RBM26: variants seen among roughly 807,000 people sequenced by gnomAD.
RBM26 encodes RNA binding motif protein 26.
RBM26 carries 30 observed loss-of-function variants against 123.6 expected under a neutral mutation model. The ratio of observed to expected loss-of-function variants is 0.24; its 90% CI spans 0.18 to 0.33. The LOEUF (loss-of-function observed/expected upper bound fraction) is 0.33, where lower values mean the gene tolerates loss of function less well. Among genes scored for constraint, RBM26 ranks in the 10% least tolerant of loss-of-function variants. The pLI is 1.00. For missense variants in RBM26, 947 were observed against 1,203.6 expected (o/e 0.79, Z 3.15); for synonymous variants, 400 against 404.4 (o/e 0.99, Z 0.13).
intron 3 of RBM26, among the ~76,000 whole-genome samples, chr13:79,373,579 TTA>T (rs1160832843): frequency 1.2e-4 from 13 of 111,196 alleles, no homozygotes; most frequent in African/African-American, 3.6e-4. Context: ...TATAATATAT[TTA>T]TATATTACTA....
At chr13:79,381,093 G>A (rs528392153) in intron 1 of RBM26, among the ~76,000 whole-genome samples, 1 of 152,142 alleles carries the variant, frequency 6.6e-6, no homozygotes, top group Non-Finnish European at 1.5e-5. Context: ...TCAACACCTA[G>A]TTTGTGCCAT....
In RBM26 at chr13:79,401,449, T is replaced by C. The variant is rs539613754; in HGVS notation, c.71+4255A>G. 2.0e-5 allele frequency among the ~76,000 whole-genome samples: 3 copies of C among 152,286 alleles called. No individual in the cohort carries two copies. The East Asian group carries it at 5.8e-4, about 29-fold the overall frequency. On this transcript the variant is annotated intron_variant, in intron 1 of 21. Transcript: ENST00000438737. ...TAGAGTCAAAAAGCCTTAGTTTAAATCACTGTGGGCAAATAACTTCATGCT... is the reference window on the plus strand; with the variant it reads ...TAGAGTCAAAAAGCCTTAGTTTAAACCACTGTGGGCAAATAACTTCATGCT...
intron 20 of RBM26, among the ~76,000 whole-genome samples, chr13:79,327,441 A>G (rs889866554): frequency 7.2e-5 from 11 of 152,160 alleles, no homozygotes; most frequent in Non-Finnish European, 2.9e-5. Flanking sequence ...GTCAGTCACT[A>G]TTATTATCGA....
At chr13:79,365,910 G>A in intron 8 of RBM26, 145 bp downstream of exon 8, 2 of 954,344 alleles carry the variant, frequency 2.1e-6, no homozygotes, top group Non-Finnish European at 3.1e-6. Context: ...ATTCAAAACT[G>A]AGGGCTTATT....
intron 1 of RBM26, among the ~76,000 whole-genome samples, chr13:79,390,637 G>A (rs903884544): frequency 2.0e-5 from 3 of 152,172 alleles, no homozygotes; most frequent in African/African-American, 7.2e-5. Context: ...TGGTATGCAT[G>A]CTTTAGGGGT....
chr13:79,337,199 C>A lies in RBM26; in HGVS notation c.2636G>T (p.Gly879Val), dbSNP rs1165528892. 1.9e-6 allele frequency: 3 copies of A among 1,613,928 alleles called. No individual in the cohort carries two copies. In the African/African-American group the frequency reaches 4.0e-5, roughly 22 times the overall value. ...GRGRGRGRGR[G>V]VPGHAVVDHR... ...ATCCACCACAGCATGACCAGGCACA[C>A]CTCGCCCTCGCCCTCGCCCCCTGCC... Residue 879 changes from glycine to valine, a missense_variant, in exon 19 of 22, where the codon GGT becomes GTT. Transcript: ENST00000438737.
intron 1 of RBM26, among the ~76,000 whole-genome samples, chr13:79,380,120 C>T (rs1288750208): frequency 9.2e-5 from 14 of 152,122 alleles, no homozygotes; most frequent in Admixed American, 9.2e-4. Flanking sequence ...TACACATATA[C>T]TCACGTGTTC....
chr13:79,351,034 T>C (rs962510106), intron 14 of RBM26, among the ~76,000 whole-genome samples: 1 of 152,212 alleles, frequency 6.6e-6, no homozygotes, highest in African/African-American at 2.4e-5. Flanking sequence ...CCCATAAAAA[T>C]TCAGTTAGTA....
rs140544727 is a variant in RBM26 at position 79,379,918 on chromosome 13, A to C, written c.72-1011T>G. Among the ~76,000 whole-genome samples, 92 of 152,314 alleles carry C rather than the reference A, an allele frequency of 6.0e-4. 1 individual carries two copies. Among genetic ancestry groups the C allele is most frequent in the African/African-American group, 2.2e-3 (90 of 41,574 alleles). ...TCAACCTCACCCATAAGAGAAATAC[A>C]AATTTAAGTTACACTGAAATATTTT... On this transcript the variant is annotated intron_variant, in intron 1 of 21. Transcript: ENST00000438737.
At chr13:79,373,368 TAATA>T (rs2076219243) in intron 3 of RBM26, among the ~76,000 whole-genome samples, 1 of 97,282 alleles carries the variant, frequency 1.0e-5, no homozygotes, top group African/African-American at 4.2e-5. Flanking sequence ...TATAAATATA[TAATA>T]TATATTATAT....
chr13:79,344,676 T>G lies in RBM26; in HGVS notation c.2177A>C (p.Lys726Thr). ...TATACCAGTTGTACTTACCTGTTTT[T>G]TTTTCTGTGCTTCATTATTATCAAC... Reference protein sequence around the residue: ...SAVDNNEAQKKKQEALKLQQD... With the variant: ...SAVDNNEAQKTKQEALKLQQD... The change falls in exon 15 of 22, where the codon AAA (lysine) becomes ACA (threonine). Residue 726 changes from lysine (K) to threonine (T), a missense_variant. By Grantham distance (78) the Lys-to-Thr change is moderately conservative. Around this residue, in one of 5 missense-constraint regions of RBM26, gnomAD observed 493 missense variants for 563.1 expected, o/e 0.88. Transcript: ENST00000438737. 1 of 1,611,124 alleles carries G rather than the reference T, an allele frequency of 6.2e-7. No homozygotes were observed. Among genetic ancestry groups the G allele is most frequent in the Non-Finnish European group, 8.5e-7 (1 of 1,178,886 alleles).
chr13:79,340,519 T>C (rs1283097395), intron 18 of RBM26, among the ~76,000 whole-genome samples: 4 of 152,066 alleles, frequency 2.6e-5, no homozygotes, highest in Admixed American at 2.0e-4. Context: ...TTAATGTCTA[T>C]TTCAAAATAC....
At chr13:79,367,010 A>ATCAGGTAGCTCTTG in intron 6 of RBM26, 138 bp from the exon 7 acceptor site, 1 of 670,090 alleles carries the variant, frequency 1.5e-6, no homozygotes, top group Non-Finnish European at 2.4e-6. Context: ...ATTTCCCAAG[A>ATCAGGTAGCTCTTG]GCTACCTGAT....
chr13:79,356,267 G>A (rs368523509), intron 11 of RBM26, among the ~76,000 whole-genome samples: 24 of 151,344 alleles, frequency 1.6e-4, no homozygotes, highest in East Asian at 7.8e-4. Flanking sequence ...TACTCGGGAC[G>A]CTGAGGCAGG....
At position 79,356,365 on chromosome 13, in the gene RBM26, G is replaced by GT. The variant is rs113086386; in HGVS notation, c.1690-982dup. Among the ~76,000 whole-genome samples the GT allele has an allele frequency of 6.2e-5, 6 of 96,722 alleles. 2 individuals are homozygous for GT. The highest frequency in any genetic ancestry group is 2.5e-4 in the African/African-American group (6 of 23,942). The allele number at this position is 96,722 out of a possible 152,430, so 63.5% of individuals were successfully genotyped here. The stretch of plus-strand genomic sequence containing the variant: ...GCCTCAGTGACAAGAGTGAGACTCT[G>GT]TCTCAAAAAAAAAAAAAAACAAACA... On this transcript the variant is annotated intron_variant, in intron 11 of 21. Coordinates refer to ENST00000438737, the MANE Select transcript of RBM26 (RefSeq NM_001366735.2).
intron 18 of RBM26, among the ~76,000 whole-genome samples, chr13:79,338,796 G>A (rs186424816): frequency 1.3e-5 from 2 of 152,264 alleles, no homozygotes; most frequent in East Asian, 3.9e-4. Context: ...AAGGAAGTCT[G>A]GACTACAGTA....
intron 1 of RBM26, among the ~76,000 whole-genome samples, chr13:79,399,847 T>C (rs1315491224): frequency 3.3e-5 from 5 of 151,988 alleles, no homozygotes; most frequent in East Asian, 1.9e-4. Context: ...CCAGCATAAT[T>C]TGGAGAAATG....
chr13:79,328,750 G>T (rs1221413244), intron 20 of RBM26, among the ~76,000 whole-genome samples: 1 of 134,458 alleles, frequency 7.4e-6, no homozygotes, highest in Non-Finnish European at 1.6e-5. Context: ...GACATTAACA[G>T]TTGATAGACA....
At position 79,319,160 on chromosome 13, in the gene RBM26, G is replaced by A. The variant is rs922726477; in HGVS notation, c.*1461C>T. On this transcript the variant is annotated 3_prime_UTR_variant, in exon 22 of 22. Transcript: ENST00000438737. ...AGGGGTGTATGGGGAAGAAGAAAAA[G>A]AACAGCATCCTTAAGTTACTCCACT... The A allele has an allele frequency of 2.0e-6, 2 of 984,586 alleles. No homozygotes were observed. Among genetic ancestry groups the A allele is most frequent in the Non-Finnish European group, 2.4e-6 (2 of 829,396 alleles). 61.0% of individuals were successfully genotyped at this position (984,586 alleles called of 1,614,324 possible). A position where few individuals can be genotyped will look rare whatever the true frequency, so the allele number is the denominator to read the frequency against.
Sources: allele counts gnomAD v4.1 joint callset (sites outside exome capture counted in the v4.1 genomes callset), GRCh38; gene constraint gnomAD v4.1.1; regional missense constraint gnomAD v4.1.1; transcripts MANE v1.5; gene names NCBI Gene and HGNC (gene_info 2026-07-23, HGNC 2026-07-21).